FBL: variants seen among roughly 807,000 people sequenced by gnomAD.
The protein encoded by FBL is fibrillarin rRNA 2'-O-methyltransferase, also known as rRNA 2'-O-methyltransferase fibrillarin.
FBL carries 10 observed loss-of-function variants against 42.2 expected under a neutral mutation model. That is an observed-to-expected ratio of 0.24 (90% CI 0.15 to 0.40). The LOEUF is 0.40. FBL is among the 10% of genes least tolerant of loss of function. The probability of loss-of-function intolerance (pLI) is 1.00; values close to 1 mark genes in which losing one functional copy is unlikely to be tolerated. For missense variants in FBL, 351 were observed against 439.2 expected, an observed-to-expected ratio of 0.80 and a Z score of 1.79; for synonymous variants, 165 against 165.4, an observed-to-expected ratio of 1.00 and a Z score of 0.02.
intron 6 of FBL, among the ~76,000 whole-genome samples, chr19:39,837,230 T>A (rs964508536): frequency 7.9e-5 from 12 of 152,310 alleles, no homozygotes; most frequent in Middle Eastern, 3.4e-3. Context: ...AAAGCAGACA[T>A]CAAATTGTTC....
intron 5 of FBL, chr19:39,838,823 C>T: frequency 7.4e-6 from 4 of 538,890 alleles, no homozygotes; most frequent in Non-Finnish European, 1.3e-5. Flanking sequence ...TCACCCCACA[C>T]CCACGTCTCT....
chr19:39,846,027 T>C (rs1441641952), intron 1 of FBL, among the ~76,000 whole-genome samples: 4 of 152,138 alleles, frequency 2.6e-5, no homozygotes, highest in Admixed American at 6.5e-5. Context: ...AAAATCCCTA[T>C]TAGACGGCCT....
rs150659741 is a variant in FBL, at chr19:39,840,838, A to C, written c.11-51T>G. On this transcript the variant is annotated intron_variant, in intron 1 of 8. Coordinates refer to ENST00000221801, the MANE Select transcript of FBL (RefSeq NM_001436.4). The surrounding 1 kb of genome is among the most constrained non-coding windows in gnomAD (Gnocchi z 4.5). ...AGGGCAATGAAGCTTAAAAGGTTAA[A>C]CCACCTTGTACCCAGCAATACCTCT... 2.9e-4 allele frequency: 420 copies of C among 1,452,308 alleles called. 1 individual carries two copies. The African/African-American group carries it at 5.4e-3, about 19-fold the overall frequency. The allele number at this position is 1,452,308 out of a possible 1,614,324, so 90.0% of individuals were successfully genotyped here.
chr19:39,842,651 C>A (rs1969183403), intron 1 of FBL, among the ~76,000 whole-genome samples: 2 of 152,118 alleles, frequency 1.3e-5, no homozygotes, highest in African/African-American at 4.8e-5. Flanking sequence ...TGCCCTTGCC[C>A]AAATCCCTCC....
In FBL at chr19:39,840,295, G is replaced by C; in HGVS notation, c.316C>G (p.Leu106Val). 2 of 1,614,080 alleles carry C rather than the reference G, an allele frequency of 1.2e-6. No homozygotes were observed. Among genetic ancestry groups the C allele is most frequent in the Non-Finnish European group, 1.7e-6 (2 of 1,179,984 alleles). ...CCAGGGACCAGGTTCTTGGTGACCA[G>C]TGCATCTTCCTTTCCTCGACAAATG... ...VFICRGKEDALVTKNLVPGES... is the reference protein window; with the variant it reads ...VFICRGKEDAVVTKNLVPGES... Residue 106 changes from leucine (L) to valine (V), a missense_variant, in exon 4 of 9, where the codon CTG (leucine) becomes GTG (valine). Physicochemically the swap from Leu to Val is conservative, Grantham distance 32. Coordinates refer to ENST00000221801, the MANE Select transcript of FBL (RefSeq NM_001436.4). This position sits in a 1 kb window ranked among gnomAD's most constrained non-coding sequence, Gnocchi z 4.5.
intron 1 of FBL, among the ~76,000 whole-genome samples, chr19:39,844,362 A>C (rs1325640035): frequency 2.6e-5 from 4 of 151,810 alleles, no homozygotes; most frequent in African/African-American, 7.3e-5. Context: ...TACTCAAAAC[A>C]TCTCAATCCG....
intron 1 of FBL, among the ~76,000 whole-genome samples, chr19:39,845,700 C>T (rs992013681): frequency 5.9e-5 from 9 of 152,222 alleles, no homozygotes; most frequent in Non-Finnish European, 8.8e-5. Flanking sequence ...CACTCCATCC[C>T]CGGGGATCCG....
At position 39,834,490 on chromosome 19, in the gene FBL, T is replaced by C. The variant is rs766048227; in HGVS notation, c.*48A>G. 6.2e-7 allele frequency: 1 copy of C among 1,608,934 alleles called. No homozygotes were observed. The highest frequency in any genetic ancestry group is 8.5e-7 in the Non-Finnish European group (1 of 1,175,498). On this transcript the variant is annotated 3_prime_UTR_variant, in exon 9 of 9. Transcript: ENST00000221801. ...GAGTCTTTTAATAGAAAAACACACG[T>C]GCAACAGTATCAACACACATCTCTC...
chr19:39,842,851 G>C (rs567457971), intron 1 of FBL, among the ~76,000 whole-genome samples: 32 of 152,224 alleles, frequency 2.1e-4, no homozygotes, highest in Admixed American at 1.5e-3. Context: ...CTAAGGATCT[G>C]GCCTGTGCTG....
At chr19:39,836,806 C>A in intron 6 of FBL, 138 bp from the exon 7 acceptor site, 2 of 601,678 alleles carry the variant, frequency 3.3e-6, no homozygotes, top group Non-Finnish European at 3.0e-6. Flanking sequence ...CTCCACTGGT[C>A]CCCCTCCCTC....
chr19:39,837,751 G>T lies in FBL; in HGVS notation c.642C>A (p.Ile214=), dbSNP rs752364442. The change falls in exon 6 of 9, where the codon ATC becomes ATA. Residue 214 remains isoleucine (I), a synonymous_variant. Coordinates refer to ENST00000221801, the MANE Select transcript of FBL (RefSeq NM_001436.4). ...ATTTGTGTGGGTGTCGAGCATCCTCGATCACAGGAATGATGTTGGTCCTCT... is the reference window on the plus strand; with the variant it reads ...ATTTGTGTGGGTGTCGAGCATCCTCTATCACAGGAATGATGTTGGTCCTCT... The part of the protein sequence containing the change: ...AKKRTNIIPV[I]EDARHPHKYR... 1.3e-6 allele frequency: 2 copies of T among 1,597,068 alleles called. No individual in the cohort carries two copies. The highest frequency in any genetic ancestry group is 2.7e-5 in the African/African-American group (2 of 73,920).
At chr19:39,835,328 G>C (rs1969018092) in intron 7 of FBL, among the ~76,000 whole-genome samples, 1 of 152,106 alleles carries the variant, frequency 6.6e-6, no homozygotes, top group Non-Finnish European at 1.5e-5. Context: ...AGACCATCCT[G>C]GCCAACACGG....
intron 1 of FBL, among the ~76,000 whole-genome samples, chr19:39,844,655 T>G (rs548792905): frequency 6.6e-6 from 1 of 152,234 alleles, no homozygotes; most frequent in East Asian, 1.9e-4. Flanking sequence ...TGTAAAACTG[T>G]CAGCATGTCC....
chr19:39,844,599 C>T (rs1327870638), intron 1 of FBL, among the ~76,000 whole-genome samples: 7 of 152,086 alleles, frequency 4.6e-5, no homozygotes, highest in Non-Finnish European at 2.9e-5. Flanking sequence ...TCCTTGACTC[C>T]GATCACACAC....
chr19:39,838,917 A>G, intron 5 of FBL, 118 bp downstream of exon 5: 1 of 879,564 alleles, frequency 1.1e-6, no homozygotes, highest in East Asian at 2.4e-5. Context: ...GCACAGTGAC[A>G]GAAAAGGGCC....
chr19:39,839,279 C>G, intron 4 of FBL, 74 bp from the exon 5 acceptor site: 1 of 1,293,166 alleles, frequency 7.7e-7, no homozygotes, highest in Non-Finnish European at 1.1e-6. Flanking sequence ...CCCTAGGAGC[C>G]TTGAAAGGAA....
intron 7 of FBL, among the ~76,000 whole-genome samples, chr19:39,835,334 C>T (rs2145052701): frequency 6.6e-6 from 1 of 152,190 alleles, no homozygotes; most frequent in East Asian, 1.9e-4. Context: ...TCCTGGCCAA[C>T]ACGGTGAAAC....
intron 7 of FBL, among the ~76,000 whole-genome samples, chr19:39,835,909 G>C (rs1027068333): frequency 2.0e-5 from 3 of 151,930 alleles, no homozygotes; most frequent in Non-Finnish European, 2.9e-5. Context: ...CTTGGTGACA[G>C]AGCGAGACTC....
At chr19:39,843,968 C>A (rs1757461825) in intron 1 of FBL, among the ~76,000 whole-genome samples, 1 of 152,158 alleles carries the variant, frequency 6.6e-6, no homozygotes, top group Non-Finnish European at 1.5e-5. Context: ...CATGTTCACA[C>A]AAACTTTTCC....
Sources: allele counts gnomAD v4.1 joint callset (sites outside exome capture counted in the v4.1 genomes callset), GRCh38; gene constraint gnomAD v4.1.1; non-coding constraint Gnocchi (gnomAD v3.1); transcripts MANE v1.5; gene names NCBI Gene and HGNC (gene_info 2026-07-23, HGNC 2026-07-21).